The following AFG2A variants were observed in gnomAD, a reference collection of about 807,000 sequenced individuals.
The protein encoded by AFG2A is ATPase family gene 2 protein homolog A.
the AFG2A span, chr4:123,256,197 C>T: frequency 3.1e-6 from 5 of 1,612,130 alleles, no homozygotes; most frequent in Non-Finnish European, 4.2e-6. Context: ...TAGTTCCCTT[C>T]AAAATACCTT....
the AFG2A span, among the ~76,000 whole-genome samples, chr4:122,959,234 C>G: frequency 6.6e-6 from 1 of 152,164 alleles, no homozygotes; most frequent in Non-Finnish European, 1.5e-5. Flanking sequence ...TTGACCGTCT[C>G]TAATAGTGTT....
the AFG2A span, among the ~76,000 whole-genome samples, chr4:123,195,346 A>T: frequency 6.6e-6 from 1 of 152,344 alleles, no homozygotes; most frequent in South Asian, 2.1e-4. Context: ...TATTACAAAC[A>T]TAAAACTTCA....
the AFG2A span, among the ~76,000 whole-genome samples, chr4:123,062,609 G>A: frequency 2.0e-5 from 3 of 152,060 alleles, no homozygotes; most frequent in African/African-American, 7.2e-5. Context: ...TATAGCAATA[G>A]GCTATATTAC....
chr4:123,199,208 ACATAGTCATAGG>A, the AFG2A span, among the ~76,000 whole-genome samples: 1 of 152,224 alleles, frequency 6.6e-6, no homozygotes. Context: ...ACAGATATAG[ACATAGTCATAGG>A]CATAGACATA....
the AFG2A span, among the ~76,000 whole-genome samples, chr4:123,060,259 G>A: frequency 1.3e-5 from 2 of 152,206 alleles, no homozygotes; most frequent in Admixed American, 6.5e-5. Context: ...GTGGAGGATC[G>A]TGGCTCTTTT....
the AFG2A span, among the ~76,000 whole-genome samples, chr4:123,311,712 G>C: frequency 6.6e-6 from 1 of 151,584 alleles, no homozygotes; most frequent in Admixed American, 6.6e-5. Context: ...TCTGCAAAGA[G>C]GAATGCCCAG....
chr4:123,208,772 C>T, the AFG2A span, among the ~76,000 whole-genome samples: 1 of 152,190 alleles, frequency 6.6e-6, no homozygotes, highest in Admixed American at 6.5e-5. Flanking sequence ...AATAGCCATT[C>T]TTCTGTAGTT....
the AFG2A span, among the ~76,000 whole-genome samples, chr4:123,059,203 G>A: frequency 1.4e-4 from 21 of 147,198 alleles, no homozygotes; most frequent in South Asian, 3.8e-3. Flanking sequence ...TGCACAATGT[G>A]CAGGTTAGTT....
At chr4:122,929,226 G>A in the AFG2A span, 1 of 1,533,672 alleles carries the variant, frequency 6.5e-7, no homozygotes, top group Non-Finnish European at 8.7e-7. Context: ...GTGACTATCT[G>A]GATCAAAGCT....
At chr4:122,928,979 T>A in the AFG2A span, 4 of 1,560,776 alleles carry the variant, frequency 2.6e-6, no homozygotes, top group Non-Finnish European at 3.5e-6. Flanking sequence ...TTCTACCTTA[T>A]AAATTGATGG....
chr4:123,316,584 A>C, the AFG2A span: 4 of 152,246 alleles, frequency 2.6e-5, no homozygotes, highest in African/African-American at 9.6e-5. Flanking sequence ...CAAGAAAATA[A>C]GAGGAAAACT....
At chr4:123,212,891 T>C in the AFG2A span, among the ~76,000 whole-genome samples, 5 of 152,274 alleles carry the variant, frequency 3.3e-5, no homozygotes, top group South Asian at 1.0e-3. Flanking sequence ...TTAAAATACC[T>C]CACTAGTTTG....
the AFG2A span, among the ~76,000 whole-genome samples, chr4:122,949,565 G>A: frequency 6.6e-6 from 1 of 152,198 alleles, no homozygotes; most frequent in Non-Finnish European, 1.5e-5. Context: ...TCAGCAAAGA[G>A]GTTTGCGGCA....
chr4:123,115,980 GC>G, the AFG2A span, among the ~76,000 whole-genome samples: 1 of 152,108 alleles, frequency 6.6e-6, no homozygotes, highest in African/African-American at 2.4e-5. Flanking sequence ...GCTCACTGCA[GC>G]CTTGACCTCA....
At chr4:123,266,371 G>T in the AFG2A span, among the ~76,000 whole-genome samples, 1 of 151,840 alleles carries the variant, frequency 6.6e-6, no homozygotes, top group South Asian at 2.1e-4. Context: ...TATATAAGGT[G>T]CTTATCCTAG....
the AFG2A span, among the ~76,000 whole-genome samples, chr4:123,074,458 T>G: frequency 2.2e-5 from 3 of 134,410 alleles, no homozygotes; most frequent in Non-Finnish European, 3.3e-5. Context: ...TTTTTTTTTT[T>G]GTCACTTTGT....
chr4:123,022,007 C>A, the AFG2A span, among the ~76,000 whole-genome samples: 3 of 151,050 alleles, frequency 2.0e-5, no homozygotes, highest in South Asian at 2.1e-4. Flanking sequence ...AAACTGGATC[C>A]CTTCCTTACG....
At chr4:123,008,271 A>AGTTCTT in the AFG2A span, among the ~76,000 whole-genome samples, 1 of 152,282 alleles carries the variant, frequency 6.6e-6, no homozygotes, top group African/African-American at 2.4e-5. Context: ...TTCAGTCACC[A>AGTTCTT]GTTCTTATGG....
chr4:123,252,553 C>T, the AFG2A span, among the ~76,000 whole-genome samples: 4 of 152,202 alleles, frequency 2.6e-5, no homozygotes, highest in African/African-American at 9.6e-5. Context: ...TATCTTTATT[C>T]CTCTTTAAAT....
Sources: allele counts gnomAD v4.1 joint callset (sites outside exome capture counted in the v4.1 genomes callset), GRCh38; gene constraint gnomAD v4.1.1; transcripts MANE v1.5; gene names NCBI Gene and HGNC (gene_info 2026-07-23, HGNC 2026-07-21).